LRRC4C: variants seen among roughly 807,000 people sequenced by gnomAD.
LRRC4C encodes leucine-rich repeat-containing protein 4C.
A neutral mutation model predicts 33.6 loss-of-function variants in LRRC4C; 5 were observed. The observed-to-expected ratio is 0.15, with a 90% CI of 0.08 to 0.31. The LOEUF is 0.31. Ranked by LOEUF, LRRC4C falls within the 10% of genes least tolerant of loss-of-function variation. LRRC4C has a pLI of 1.00. For missense variants in LRRC4C, 560 were observed against 796.7 expected, an observed-to-expected ratio of 0.70 and a Z score of 3.58; for synonymous variants, 329 against 302.0, an observed-to-expected ratio of 1.09 and a Z score of -0.93.
chr11:41,334,192 A>G (rs1048825864), intron 1 of LRRC4C, among the ~76,000 whole-genome samples: 4 of 152,204 alleles, frequency 2.6e-5, no homozygotes, highest in African/African-American at 9.6e-5. Context: ...ATTTCATAGC[A>G]TAGTATATAT....
At chr11:41,021,193 GAGAGAGAGAGA>G (rs1855946212) in intron 1 of LRRC4C, among the ~76,000 whole-genome samples, 2 of 148,748 alleles carry the variant, frequency 1.3e-5, no homozygotes, top group African/African-American at 5.0e-5. Context: ...GAGAGAGAGA[GAGAGAGAGAGA>G]GAGAGAGAGA....
intron 3 of LRRC4C, among the ~76,000 whole-genome samples, chr11:40,573,918 G>T (rs774629133): frequency 1.3e-4 from 20 of 152,044 alleles, no homozygotes; most frequent in Non-Finnish European, 2.6e-4. Context: ...AACAGTTGGT[G>T]CATTGTAAAT....
chr11:41,012,022 G>T (rs1354954967), intron 1 of LRRC4C, among the ~76,000 whole-genome samples: 1 of 149,950 alleles, frequency 6.7e-6, no homozygotes. Context: ...CCTATAATTT[G>T]TAAAGATCAG....
At chr11:41,045,122 G>A (rs537458469) in intron 1 of LRRC4C, among the ~76,000 whole-genome samples, 15 of 152,066 alleles carry the variant, frequency 9.9e-5, no homozygotes, top group African/African-American at 1.7e-4. Context: ...AGGAATATAC[G>A]TTGATGTCAT....
chr11:40,350,059 A>G lies in LRRC4C; in HGVS notation c.-269-30338T>C, dbSNP rs141821765. Among the ~76,000 whole-genome samples the G allele has an allele frequency of 2.8e-4, 43 of 152,140 alleles. 1 individual carries two copies. In the East Asian group the frequency reaches 8.3e-3, roughly 29 times the overall value. On this transcript the variant is annotated intron_variant, in intron 3 of 6. Coordinates refer to ENST00000528697, the MANE Select transcript of LRRC4C (RefSeq NM_001258419.2). Reference sequence around the variant, plus strand: ...TATGGGTTTTCTCTTCAATCTGATGATTGTTTTCCTTGCTGTGTAGAAACT... The same window carrying G: ...TATGGGTTTTCTCTTCAATCTGATGGTTGTTTTCCTTGCTGTGTAGAAACT...
chr11:40,219,276 G>A (rs983937176), intron 5 of LRRC4C, among the ~76,000 whole-genome samples: 1 of 152,166 alleles, frequency 6.6e-6, no homozygotes, highest in Non-Finnish European at 1.5e-5. Flanking sequence ...GAACAGCAAA[G>A]CTATAGAATA....
intron 1 of LRRC4C, among the ~76,000 whole-genome samples, chr11:41,371,945 C>A (rs1203726967): frequency 6.6e-6 from 1 of 152,300 alleles, no homozygotes; most frequent in Non-Finnish European, 1.5e-5. Flanking sequence ...ACCATCCTGG[C>A]TAACATGGTG....
At chr11:40,568,460 A>C (rs1036651620) in intron 3 of LRRC4C, among the ~76,000 whole-genome samples, 1 of 152,226 alleles carries the variant, frequency 6.6e-6, no homozygotes, top group Admixed American at 6.5e-5. Context: ...CAGAAACTGT[A>C]AAATTTATTT....
intron 2 of LRRC4C, among the ~76,000 whole-genome samples, chr11:40,832,619 G>C (rs1042690445): frequency 1.3e-5 from 2 of 152,056 alleles, no homozygotes; most frequent in African/African-American, 2.4e-5. Flanking sequence ...AATAAAAGCC[G>C]CGGTGGGAAT....
chr11:40,278,995 T>C (rs1485786793), intron 4 of LRRC4C, among the ~76,000 whole-genome samples: 1 of 152,108 alleles, frequency 6.6e-6, no homozygotes, highest in Admixed American at 6.6e-5. Context: ...GAAATTTCTA[T>C]GGTGATATTT....
chr11:40,482,339 A>G (rs577521391), intron 3 of LRRC4C, among the ~76,000 whole-genome samples: 19 of 152,314 alleles, frequency 1.2e-4, no homozygotes, highest in African/African-American at 3.8e-4. Flanking sequence ...AGGCAAGTTT[A>G]ATCCTTTAAA....
chr11:41,434,233 G>T (rs1030920332), intron 1 of LRRC4C, among the ~76,000 whole-genome samples: 4 of 151,968 alleles, frequency 2.6e-5, no homozygotes, highest in Admixed American at 2.6e-4. Flanking sequence ...CACATCCTTT[G>T]GTTTCCTCTC....
chr11:41,342,293 C>T (rs1450543478), intron 1 of LRRC4C, among the ~76,000 whole-genome samples: 2 of 152,162 alleles, frequency 1.3e-5, no homozygotes, highest in African/African-American at 4.8e-5. Context: ...ACCACATATA[C>T]AGAATTCAGT....
intron 3 of LRRC4C, among the ~76,000 whole-genome samples, chr11:40,371,250 CACA>C (rs751590098): frequency 1.3e-5 from 2 of 152,222 alleles, no homozygotes; most frequent in African/African-American, 4.8e-5. Flanking sequence ...CAAGCAATTT[CACA>C]ACATTACAAA....
At chr11:41,348,562 G>A (rs567322886) in intron 1 of LRRC4C, among the ~76,000 whole-genome samples, 1 of 151,758 alleles carries the variant, frequency 6.6e-6, no homozygotes, top group Non-Finnish European at 1.5e-5. Flanking sequence ...CAAGATGGCC[G>A]ACTAGATACA....
At chr11:40,827,717 T>TTTGCG (rs1204922223) in intron 2 of LRRC4C, among the ~76,000 whole-genome samples, 1 of 151,816 alleles carries the variant, frequency 6.6e-6, no homozygotes, top group Admixed American at 6.6e-5. Context: ...AATGAGTATG[T>TTTGCG]TTGCGTGTGT....
At chr11:40,921,504 C>T (rs1409264752) in intron 2 of LRRC4C, among the ~76,000 whole-genome samples, 3 of 152,118 alleles carry the variant, frequency 2.0e-5, no homozygotes, top group Non-Finnish European at 2.9e-5. Context: ...TCCCTTAGAT[C>T]ACCAAGAAGA....
intron 1 of LRRC4C, among the ~76,000 whole-genome samples, chr11:41,020,837 T>A (rs537767088): frequency 6.6e-6 from 1 of 152,256 alleles, no homozygotes; most frequent in South Asian, 2.1e-4. Flanking sequence ...TAATCCATGG[T>A]ATCTGTCTCA....
At chr11:41,100,979 G>A (rs1941138581) in intron 1 of LRRC4C, among the ~76,000 whole-genome samples, 1 of 151,674 alleles carries the variant, frequency 6.6e-6, no homozygotes, top group African/African-American at 2.4e-5. Flanking sequence ...TGAGATAGCT[G>A]TCTAGCCATA....
Sources: gnomAD v4.1 joint callset for allele counts (sites outside exome capture counted in the v4.1 genomes callset) on GRCh38, gnomAD v4.1.1 for gene constraint, MANE v1.5 for transcripts, NCBI Gene and HGNC (gene_info 2026-07-23, HGNC 2026-07-21) for gene names.